The following MACROD2 variants were observed in gnomAD, a reference collection of about 807,000 sequenced individuals.
MACROD2 encodes the protein ADP-ribose glycohydrolase MACROD2.
MACROD2 carries 36 observed loss-of-function variants against 70.4 expected under a neutral mutation model. That is an observed-to-expected ratio of 0.51 (90% confidence interval 0.39 to 0.68). MACROD2 has a LOEUF of 0.68. Ranked by LOEUF, MACROD2 falls within the 30% of genes least tolerant of loss-of-function variation. The pLI is 0.00. For missense variants in MACROD2, 496 were observed against 538.4 expected, an observed-to-expected ratio of 0.92 and a Z score of 0.78; for synonymous variants, 172 against 178.8, an observed-to-expected ratio of 0.96 and a Z score of 0.30.
intron 8 of MACROD2, among the ~76,000 whole-genome samples, chr20:15,677,861 G>A (rs1259661316): frequency 6.6e-6 from 1 of 152,162 alleles, no homozygotes; most frequent in Non-Finnish European, 1.5e-5. Flanking sequence ...GAGGTCAAGA[G>A]ATTGAGGCCA....
intron 6 of MACROD2, among the ~76,000 whole-genome samples, chr20:15,372,923 A>T (rs2045512747): frequency 6.6e-6 from 1 of 152,140 alleles, no homozygotes; most frequent in South Asian, 2.1e-4. Flanking sequence ...GTGGTGATGC[A>T]TGCCTATAGT....
At chr20:15,898,972 A>G (rs6135595) in intron 10 of MACROD2, among the ~76,000 whole-genome samples, 7,581 of 151,768 alleles carry the variant, frequency 0.05, 360 homozygotes, top group East Asian at 0.23. Context: ...ACATACCTAT[A>G]TGTGTGTGTG....
At chr20:15,330,400 G>T (rs2077979467) in intron 6 of MACROD2, among the ~76,000 whole-genome samples, 1 of 148,596 alleles carries the variant, frequency 6.7e-6, no homozygotes, top group South Asian at 2.1e-4. Context: ...AGGCAGCCCT[G>T]CCTTCAGAGC....
chr20:15,646,161 C>G (rs1005286866), intron 8 of MACROD2, among the ~76,000 whole-genome samples: 13 of 151,940 alleles, frequency 8.6e-5, no homozygotes, highest in African/African-American at 3.1e-4. Flanking sequence ...TTCAACACAC[C>G]CCTGAGGCAG....
At chr20:15,534,433 G>T (rs2047846603) in intron 8 of MACROD2, among the ~76,000 whole-genome samples, 1 of 152,126 alleles carries the variant, frequency 6.6e-6, no homozygotes, top group South Asian at 2.1e-4. Flanking sequence ...AGTTCCATTG[G>T]TTGGTTTTAA....
intron 8 of MACROD2, among the ~76,000 whole-genome samples, chr20:15,816,506 A>G (rs1160881197): frequency 6.6e-6 from 1 of 152,178 alleles, no homozygotes; most frequent in Non-Finnish European, 1.5e-5. Flanking sequence ...ATCATTTACA[A>G]GCCATAGCAA....
chr20:15,421,236 G>A (rs2046223525), intron 6 of MACROD2, among the ~76,000 whole-genome samples: 1 of 152,026 alleles, frequency 6.6e-6, no homozygotes. Flanking sequence ...AAATTAACCA[G>A]GTGTGGTGGC....
At position 16,010,201 on chromosome 20, in the gene MACROD2, C is replaced by T. The variant is rs79245725; in HGVS notation, c.1153+23043C>T. Among the ~76,000 whole-genome samples, 448 of 152,204 alleles carry T rather than the reference C, an allele frequency of 2.9e-3. 3 individuals carry two copies. The highest frequency in any genetic ancestry group is 6.8e-3 in the Middle Eastern group (2 of 294). Reference sequence around the variant, plus strand: ...AGGGAGAGCATGTGAGTGAGTGGGTCAGTTGGGCTAGTGGCGCATGTCCTG... The same window carrying T: ...AGGGAGAGCATGTGAGTGAGTGGGTTAGTTGGGCTAGTGGCGCATGTCCTG... On this transcript the variant is annotated intron_variant, in intron 15 of 17. Coordinates refer to ENST00000684519, the MANE Select transcript of MACROD2 (RefSeq NM_001351661.2).
Position 14,472,290 on chromosome 20 carries a change from T to C in MACROD2, c.272-21189T>C, listed in dbSNP as rs1195721282. ...TGCTTTATTTTTATTTAGTTCTGTT[T>C]GCAATGCATTTTTTCAAACATTCAT... On this transcript the variant is annotated intron_variant, in intron 3 of 17. Transcript: ENST00000684519. Among the ~76,000 whole-genome samples the C allele has an allele frequency of 2.0e-5, 3 of 152,330 alleles. No individual in the cohort carries two copies. In the East Asian group the frequency reaches 5.8e-4, roughly 29 times the overall value.
At chr20:15,934,697 T>C (rs998980183) in intron 11 of MACROD2, among the ~76,000 whole-genome samples, 4 of 152,044 alleles carry the variant, frequency 2.6e-5, no homozygotes, top group African/African-American at 4.8e-5. Context: ...TTTTTTGTTT[T>C]GTTTTGTTTT....
At chr20:16,049,108 C>A (rs983612802) in intron 17 of MACROD2, among the ~76,000 whole-genome samples, 2 of 152,048 alleles carry the variant, frequency 1.3e-5, no homozygotes, top group African/African-American at 2.4e-5. Context: ...CAGAAAAAAA[C>A]TAATTTATGG....
chr20:14,522,717 A>G (rs1339012010), intron 4 of MACROD2, among the ~76,000 whole-genome samples: 4 of 152,134 alleles, frequency 2.6e-5, no homozygotes, highest in Admixed American at 6.5e-5. Flanking sequence ...ATTTCCTTGT[A>G]TGGAATTAAG....
At chr20:15,277,142 C>CA (rs1313269488) in intron 6 of MACROD2, among the ~76,000 whole-genome samples, 2 of 152,184 alleles carry the variant, frequency 1.3e-5, no homozygotes, top group Non-Finnish European at 2.9e-5. Flanking sequence ...CCCTGGCAAC[C>CA]ATCCCATCAT....
intron 5 of MACROD2, among the ~76,000 whole-genome samples, chr20:14,827,251 T>G (rs78900941): frequency 0.024 from 3,549 of 150,996 alleles, 143 homozygotes; most frequent in African/African-American, 0.083. Context: ...TGTATTGATA[T>G]CCTTGGGATT....
chr20:15,933,423 A>G, intron 11 of MACROD2, 85 bp downstream of exon 11: 2 of 1,264,414 alleles, frequency 1.6e-6, no homozygotes, highest in Non-Finnish European at 2.2e-6. Context: ...TTGTCTGAAA[A>G]TGCTTATACA....
intron 3 of MACROD2, among the ~76,000 whole-genome samples, chr20:14,262,754 AGAG>A (rs2082111273): frequency 6.6e-6 from 1 of 152,204 alleles, no homozygotes; most frequent in African/African-American, 2.4e-5. Context: ...TCAACTGCAC[AGAG>A]AAGTCAAACA....
At chr20:15,614,457 G>T (rs1392591808) in intron 8 of MACROD2, among the ~76,000 whole-genome samples, 1 of 152,142 alleles carries the variant, frequency 6.6e-6, no homozygotes, top group Admixed American at 6.5e-5. Flanking sequence ...GTAAAGGGAA[G>T]CATGCCAGCT....
At chr20:14,931,902 T>A (rs1600842900) in intron 5 of MACROD2, among the ~76,000 whole-genome samples, 1 of 151,244 alleles carries the variant, frequency 6.6e-6, no homozygotes, top group East Asian at 2.0e-4. Flanking sequence ...CTTGGGAGGC[T>A]GAGCTGGGAG....
At chr20:15,931,278 A>G (rs2065572623) in intron 10 of MACROD2, among the ~76,000 whole-genome samples, 2 of 152,298 alleles carry the variant, frequency 1.3e-5, no homozygotes, top group South Asian at 4.2e-4. Flanking sequence ...TCAGATAATC[A>G]TGTAGTACTT....
Sources: allele counts gnomAD v4.1 joint callset (sites outside exome capture counted in the v4.1 genomes callset), GRCh38; gene constraint gnomAD v4.1.1; transcripts MANE v1.5; gene names NCBI Gene and HGNC (gene_info 2026-07-23, HGNC 2026-07-21).